RFX3: variants seen among roughly 807,000 people sequenced by gnomAD.
The protein encoded by RFX3 is transcription factor RFX3.
In RFX3, 14 loss-of-function variants were observed where a neutral mutation model predicts 98.6. The observed-to-expected ratio is 0.14, with a 90% CI of 0.09 to 0.22. The LOEUF is 0.22. Ranked by LOEUF, RFX3 falls within the 10% of genes least tolerant of loss-of-function variation. RFX3 has a pLI of 1.00. For missense variants in RFX3, 639 were observed against 926.9 expected (o/e 0.69, Z 4.03); for synonymous variants, 383 against 328.4 (o/e 1.17, Z -1.80).
At chr9:3,502,699 G>T (rs1222785469) in intron 1 of RFX3, among the ~76,000 whole-genome samples, 4 of 151,988 alleles carry the variant, frequency 2.6e-5, no homozygotes, top group Non-Finnish European at 4.4e-5. Flanking sequence ...TTATTTTCAC[G>T]ATTTTTTTTT....
At chr9:3,376,577 G>A (rs1034764065) in intron 2 of RFX3, among the ~76,000 whole-genome samples, 1 of 152,100 alleles carries the variant, frequency 6.6e-6, no homozygotes, top group Non-Finnish European at 1.5e-5. Context: ...TTGTACAAAA[G>A]CCAAAATTGA....
At chr9:3,447,430 A>C (rs1352911877) in intron 1 of RFX3, among the ~76,000 whole-genome samples, 1 of 152,172 alleles carries the variant, frequency 6.6e-6, no homozygotes, top group East Asian at 1.9e-4. Flanking sequence ...AAAAGACAAA[A>C]ACTTTGGGCT....
intron 1 of RFX3, among the ~76,000 whole-genome samples, chr9:3,518,404 T>C (rs998314515): frequency 1.3e-5 from 2 of 152,052 alleles, no homozygotes; most frequent in Non-Finnish European, 2.9e-5. Flanking sequence ...TCTACAAAAA[T>C]AACGCAAAGG....
rs1280532118 is a variant in RFX3, at chr9:3,322,012, TTTAA to T, written c.474+8243_474+8246del. On this transcript the variant is annotated intron_variant, in intron 4 of 16. Coordinates refer to ENST00000617270, the MANE Select transcript of RFX3 (RefSeq NM_001282116.2). ...TCTATTCATGTGCTTAGATAATTGTTTTAATTATTATAATTTTATATACATTTTA... is the reference window on the plus strand; with the variant it reads ...TCTATTCATGTGCTTAGATAATTGTTTTATTATAATTTTATATACATTTTA... Among the ~76,000 whole-genome samples, 187 of 152,214 alleles carry T rather than the reference TTTAA, an allele frequency of 1.2e-3. 1 individual carries two copies. The highest frequency in any genetic ancestry group is 4.3e-4 in the Non-Finnish European group (29 of 68,012).
At chr9:3,470,606 CA>C (rs1443578445) in intron 1 of RFX3, among the ~76,000 whole-genome samples, 3 of 152,028 alleles carry the variant, frequency 2.0e-5, no homozygotes, top group East Asian at 1.9e-4. Context: ...GGATTACAGG[CA>C]GTGAGCCACC....
intron 6 of RFX3, among the ~76,000 whole-genome samples, chr9:3,291,390 AAAAACAAAACAAAACAAAACAAAAC>A (rs71324240): frequency 2.1e-5 from 3 of 139,870 alleles, no homozygotes; most frequent in South Asian, 4.4e-4. Flanking sequence ...AAACAAAAAC[AAAAACAAAACAAAACAAAACAAAAC>A]AAAACAAAAC....
chr9:3,407,167 C>T (rs976333798), intron 1 of RFX3, among the ~76,000 whole-genome samples: 1 of 152,104 alleles, frequency 6.6e-6, no homozygotes, highest in Non-Finnish European at 1.5e-5. Context: ...CTGACTTCAT[C>T]GTTAATTAAC....
intron 16 of RFX3, among the ~76,000 whole-genome samples, chr9:3,228,161 G>C (rs1192331355): frequency 1.3e-5 from 2 of 151,716 alleles, no homozygotes; most frequent in Admixed American, 1.3e-4. Flanking sequence ...ATATTTATCA[G>C]TATTGTTTTG....
At chr9:3,441,735 G>A (rs1425203607) in intron 1 of RFX3, among the ~76,000 whole-genome samples, 1 of 152,016 alleles carries the variant, frequency 6.6e-6, no homozygotes, top group African/African-American at 2.4e-5. Context: ...TGGGAGAGAA[G>A]AGATAAATAT....
At chr9:3,519,854 A>G (rs1267052255) in intron 1 of RFX3, among the ~76,000 whole-genome samples, 3 of 152,158 alleles carry the variant, frequency 2.0e-5, no homozygotes, top group Non-Finnish European at 2.9e-5. Context: ...ACAAATATAA[A>G]GATTTTGAAG....
intron 2 of RFX3, among the ~76,000 whole-genome samples, chr9:3,385,420 A>T (rs1839601170): frequency 6.6e-6 from 1 of 152,170 alleles, no homozygotes; most frequent in South Asian, 2.1e-4. Flanking sequence ...GTTGAAGAAG[A>T]AAACTCTTGG....
At chr9:3,479,466 CTT>C (rs1333453439) in intron 1 of RFX3, among the ~76,000 whole-genome samples, 2 of 151,842 alleles carry the variant, frequency 1.3e-5, no homozygotes, top group South Asian at 2.1e-4. Context: ...CTAATAGAAA[CTT>C]ATGAAAAAAA....
chr9:3,332,364 A>G (rs1832693629), intron 3 of RFX3, among the ~76,000 whole-genome samples: 1 of 152,224 alleles, frequency 6.6e-6, no homozygotes, highest in Non-Finnish European at 1.5e-5. Context: ...AATATTTTAA[A>G]TAATTTTGTG....
At chr9:3,321,199 C>T (rs917118814) in intron 4 of RFX3, among the ~76,000 whole-genome samples, 12 of 152,052 alleles carry the variant, frequency 7.9e-5, no homozygotes, top group Admixed American at 6.6e-4. Context: ...CCACCGCCCC[C>T]GACCCCAATC....
At chr9:3,301,974 C>T (rs2986688) in intron 4 of RFX3, among the ~76,000 whole-genome samples, 5 of 151,652 alleles carry the variant, frequency 3.3e-5, no homozygotes, top group East Asian at 1.9e-4. Context: ...CTTTCTAAAT[C>T]GTCTCCCACC....
rs184197619 is a variant in RFX3 at position 3,270,622 on chromosome 9, G to A, written c.1203-97C>T. 4.3e-4 allele frequency: 529 copies of A among 1,216,982 alleles called. 4 individuals are homozygous for A. In the African/African-American group the frequency reaches 6.8e-3, roughly 16 times the overall value. 75.4% of individuals were successfully genotyped at this position (1,216,982 alleles called of 1,614,324 possible). Reference sequence around the variant, plus strand: ...GTTTAAGTTTACCAAATATTACTGAGGTTAGAACTATACCACCATTGCACT... The same window carrying A: ...GTTTAAGTTTACCAAATATTACTGAAGTTAGAACTATACCACCATTGCACT... On this transcript the variant is annotated intron_variant, in intron 10 of 16. Coordinates refer to ENST00000617270, the MANE Select transcript of RFX3 (RefSeq NM_001282116.2).
At chr9:3,298,523 T>G (rs1828270896) in intron 5 of RFX3, among the ~76,000 whole-genome samples, 2 of 151,858 alleles carry the variant, frequency 1.3e-5, no homozygotes, top group South Asian at 4.1e-4. Flanking sequence ...TACCAGGCAC[T>G]GTTCTAGGCA....
chr9:3,434,505 T>C (rs933892173), intron 1 of RFX3, among the ~76,000 whole-genome samples: 1 of 152,132 alleles, frequency 6.6e-6, no homozygotes, highest in Non-Finnish European at 1.5e-5. Context: ...TCCTAAATTC[T>C]TCTACTATGT....
intron 15 of RFX3, among the ~76,000 whole-genome samples, chr9:3,240,225 G>T (rs1008009409): frequency 6.6e-6 from 1 of 152,184 alleles, no homozygotes; most frequent in Admixed American, 6.5e-5. Context: ...GGATAGAACA[G>T]ATTTTATTTA....
Sources: allele counts gnomAD v4.1 joint callset (sites outside exome capture counted in the v4.1 genomes callset), GRCh38; gene constraint gnomAD v4.1.1; transcripts MANE v1.5; gene names NCBI Gene and HGNC (gene_info 2026-07-23, HGNC 2026-07-21).